BIRC6: variants seen among roughly 807,000 people sequenced by gnomAD.
BIRC6 encodes dual E2 ubiquitin-conjugating enzyme/E3 ubiquitin-protein ligase BIRC6.
A neutral mutation model predicts 503.3 loss-of-function variants in BIRC6; 98 were observed. The ratio of observed to expected loss-of-function variants is 0.19; its 90% confidence interval spans 0.17 to 0.23. BIRC6 has a LOEUF of 0.23. Among genes scored for constraint, BIRC6 ranks in the 10% least tolerant of loss-of-function variants. The probability of loss-of-function intolerance (pLI) is 1.00; values close to 1 mark genes in which losing one functional copy is unlikely to be tolerated. For missense variants in BIRC6, 5,360 were observed against 5,806.0 expected (o/e 0.92, Z 2.50); for synonymous variants, 2,240 against 2,078.7 (o/e 1.08, Z -2.11).
chr2:32,582,681 A>G (rs949468900), intron 66 of BIRC6, among the ~76,000 whole-genome samples: 1 of 152,146 alleles, frequency 6.6e-6, no homozygotes, highest in African/African-American at 2.4e-5. Flanking sequence ...ACTTGAACCC[A>G]GGAGGCAGAG....
chr2:32,573,825 A>G (rs1264959572), intron 65 of BIRC6, among the ~76,000 whole-genome samples: 3 of 152,244 alleles, frequency 2.0e-5, no homozygotes, highest in Non-Finnish European at 4.4e-5. Context: ...TTCACAAAAG[A>G]TAAAATAACT....
intron 19 of BIRC6, 64 bp from the exon 20 acceptor site, chr2:32,443,427 G>C: frequency 8.7e-7 from 1 of 1,146,246 alleles, no homozygotes; most frequent in South Asian, 1.4e-5. Flanking sequence ...ACCACACCAG[G>C]TTTAGGGTTG....
intron 21 of BIRC6, among the ~76,000 whole-genome samples, chr2:32,446,588 G>A (rs2045966377): frequency 6.6e-6 from 1 of 152,032 alleles, no homozygotes; most frequent in Non-Finnish European, 1.5e-5. Flanking sequence ...CAATCTGCAG[G>A]TGGCAGTCTT....
At position 32,479,482 on chromosome 2, in the gene BIRC6, G is replaced by A. The variant is rs2050139869; in HGVS notation, c.7273G>A (p.Ala2425Thr). The part of the protein sequence containing the change: ...ILAGELLAPV[A>T]AEAMEEGTVG... ...TACAGGAGAATTACTGGCTCCAGTAGCCGCAGAAGCCATGGAGGAAGGAAC... is the reference window on the plus strand; with the variant it reads ...TACAGGAGAATTACTGGCTCCAGTAACCGCAGAAGCCATGGAGGAAGGAAC... Residue 2425 changes from alanine to threonine, a missense_variant, in exon 37 of 74, where the codon GCC (alanine) becomes ACC (threonine). Coordinates refer to ENST00000421745, the MANE Select transcript of BIRC6 (RefSeq NM_016252.4). 1 of 1,601,680 alleles carries A rather than the reference G, an allele frequency of 6.2e-7. No homozygotes were observed. The highest frequency in any genetic ancestry group is 8.5e-7 in the Non-Finnish European group (1 of 1,173,698).
At chr2:32,438,842 G>A (rs1198482305) in intron 15 of BIRC6, among the ~76,000 whole-genome samples, 1 of 152,154 alleles carries the variant, frequency 6.6e-6, no homozygotes, top group East Asian at 1.9e-4. Flanking sequence ...TTACAGGCGT[G>A]AGCCACTGCG....
At chr2:32,525,804 TC>T (rs1479643154) in intron 59 of BIRC6, among the ~76,000 whole-genome samples, 176 bp downstream of exon 59, 2 of 152,184 alleles carry the variant, frequency 1.3e-5, no homozygotes, top group African/African-American at 4.8e-5. Context: ...GGAGGAGTAA[TC>T]TATTACGTAT....
intron 72 of BIRC6, 100 bp downstream of exon 72, chr2:32,607,743 C>A: frequency 2.0e-6 from 2 of 996,504 alleles, no homozygotes; most frequent in Middle Eastern, 2.4e-4. Context: ...TTTGGGAGGT[C>A]AAGGCAGGTG....
intron 49 of BIRC6, among the ~76,000 whole-genome samples, chr2:32,504,407 C>T (rs1019985276): frequency 5.9e-5 from 9 of 151,868 alleles, no homozygotes; most frequent in Non-Finnish European, 1.0e-4. Flanking sequence ...GTGGCTCATG[C>T]CTGTAATCCC....
At chr2:32,492,107 A>G (rs1254579270) in intron 44 of BIRC6, among the ~76,000 whole-genome samples, 1 of 152,110 alleles carries the variant, frequency 6.6e-6, no homozygotes, top group Non-Finnish European at 1.5e-5. Context: ...AAGTAAAAAT[A>G]TATTTAGCAT....
chr2:32,481,868 A>G (rs2050441499), intron 38 of BIRC6, among the ~76,000 whole-genome samples: 2 of 152,202 alleles, frequency 1.3e-5, no homozygotes, highest in Non-Finnish European at 2.9e-5. Context: ...CATTACCACT[A>G]ATGCAACTCA....
chr2:32,561,727 A>G (rs1284086377), intron 65 of BIRC6, among the ~76,000 whole-genome samples: 2 of 146,726 alleles, frequency 1.4e-5, no homozygotes, highest in African/African-American at 5.1e-5. Context: ...AATCATGTAT[A>G]TATATATATA....
At chr2:32,594,952 G>T (rs549427402) in intron 67 of BIRC6, 82 bp from the exon 68 acceptor site, 2 of 852,798 alleles carry the variant, frequency 2.3e-6, no homozygotes, top group Admixed American at 3.4e-5. Flanking sequence ...TTGAACTCTA[G>T]AGGTGAATTC....
At chr2:32,443,640 A>G in intron 20 of BIRC6, 52 bp downstream of exon 20, 1 of 1,263,042 alleles carries the variant, frequency 7.9e-7, no homozygotes, top group Non-Finnish European at 1.1e-6. Context: ...GGAACATCTC[A>G]TATGTATACT....
intron 21 of BIRC6, among the ~76,000 whole-genome samples, chr2:32,448,356 G>A (rs1278749857): frequency 1.4e-5 from 2 of 142,666 alleles, no homozygotes; most frequent in Admixed American, 7.0e-5. Flanking sequence ...TCCAGCCTTG[G>A]CACCATTGAG....
intron 20 of BIRC6, among the ~76,000 whole-genome samples, chr2:32,445,086 G>A (rs1489533676): frequency 1.3e-5 from 2 of 152,208 alleles, no homozygotes; most frequent in African/African-American, 2.4e-5. Flanking sequence ...AAAATGGGCT[G>A]TTTGAAGCTC....
intron 11 of BIRC6, among the ~76,000 whole-genome samples, chr2:32,430,226 T>G (rs1224704883): frequency 1.3e-5 from 2 of 152,238 alleles, no homozygotes; most frequent in Admixed American, 1.3e-4. Flanking sequence ...GAACAATGGC[T>G]TAGCATTTTT....
intron 10 of BIRC6, among the ~76,000 whole-genome samples, chr2:32,427,633 T>G (rs1425102722): frequency 6.6e-6 from 1 of 152,136 alleles, no homozygotes; most frequent in African/African-American, 2.4e-5. Flanking sequence ...TTTATACCAT[T>G]ATTTCCTGTA....
chr2:32,539,537 C>T (rs1193413538), intron 61 of BIRC6, among the ~76,000 whole-genome samples: 1 of 152,116 alleles, frequency 6.6e-6, no homozygotes, highest in African/African-American at 2.4e-5. Context: ...TCTAGAAAAC[C>T]TCAAATATGT....
intron 15 of BIRC6, among the ~76,000 whole-genome samples, chr2:32,438,093 A>G (rs1053773366): frequency 6.6e-6 from 1 of 152,216 alleles, no homozygotes; most frequent in African/African-American, 2.4e-5. Flanking sequence ...CGTCTGGTCA[A>G]AAATACTGAT....
Sources: allele counts gnomAD v4.1 joint callset (sites outside exome capture counted in the v4.1 genomes callset), GRCh38; gene constraint gnomAD v4.1.1; transcripts MANE v1.5; gene names NCBI Gene and HGNC (gene_info 2026-07-23, HGNC 2026-07-21).